XRRA1: variants seen among roughly 807,000 people sequenced by gnomAD.
XRRA1 encodes the protein X-ray radiation resistance associated 1.
A neutral mutation model predicts 80.2 loss-of-function variants in XRRA1; 69 were observed. The observed-to-expected ratio is 0.86, with a 90% CI of 0.71 to 1.05. The LOEUF (loss-of-function observed/expected upper bound fraction) is 1.05. Ranked by LOEUF, XRRA1 falls within the 50% of genes least tolerant of loss-of-function variation. XRRA1 has a pLI of 0.00. For missense variants in XRRA1, 967 were observed against 976.4 expected (o/e 0.99, Z 0.13); for synonymous variants, 348 against 389.9 (o/e 0.89, Z 1.27).
chr11:74,844,133 G>A (rs1368429395), intron 17 of XRRA1, 35 bp downstream of exon 17: 5 of 1,588,912 alleles, frequency 3.1e-6, no homozygotes, highest in East Asian at 2.2e-5. Context: ...CGGTACTCAG[G>A]GGCCATTTAC....
chr11:74,851,251 C>A, intron 13 of XRRA1, 48 bp from the exon 14 acceptor site: 1 of 1,401,638 alleles, frequency 7.1e-7, no homozygotes, highest in Non-Finnish European at 9.9e-7. Context: ...AAAATTTATA[C>A]TGGGGCTTAC....
At chr11:74,872,577 G>T (rs1472236440) in intron 10 of XRRA1, among the ~76,000 whole-genome samples, 1 of 152,086 alleles carries the variant, frequency 6.6e-6, no homozygotes, top group Non-Finnish European at 1.5e-5. Context: ...ACTTTAAGAA[G>T]GAGTGCCCAG....
At chr11:74,851,876 C>T in intron 13 of XRRA1, 113 bp downstream of exon 13, 1 of 883,868 alleles carries the variant, frequency 1.1e-6, no homozygotes, top group Non-Finnish European at 1.8e-6. Context: ...TGAACCTTGT[C>T]CACCCCGACA....
chr11:74,854,490 T>C (rs964643407), intron 12 of XRRA1, among the ~76,000 whole-genome samples: 9 of 152,224 alleles, frequency 5.9e-5, no homozygotes, highest in Admixed American at 4.6e-4. Flanking sequence ...AAATCAGCCA[T>C]AGACAATTCA....
chr11:74,888,578 G>A (rs1176351836), intron 10 of XRRA1, among the ~76,000 whole-genome samples: 2 of 152,222 alleles, frequency 1.3e-5, no homozygotes, highest in Non-Finnish European at 2.9e-5. Context: ...GAATGACTTT[G>A]ACGAGTTGAG....
intron 2 of XRRA1, among the ~76,000 whole-genome samples, chr11:74,942,941 C>T (rs2139990641): frequency 6.6e-6 from 1 of 152,308 alleles, no homozygotes; most frequent in South Asian, 2.1e-4. Context: ...CCCGCAGAGC[C>T]ATCCCTGAGA....
intron 12 of XRRA1, among the ~76,000 whole-genome samples, chr11:74,855,963 T>A (rs922581907): frequency 3.3e-5 from 5 of 151,708 alleles, no homozygotes; most frequent in Admixed American, 3.3e-4. Flanking sequence ...TGAAACCCTG[T>A]CTCTGATAAA....
intron 10 of XRRA1, among the ~76,000 whole-genome samples, chr11:74,880,091 G>C (rs931820453): frequency 6.6e-6 from 1 of 152,044 alleles, no homozygotes; most frequent in Admixed American, 6.5e-5. Context: ...AATCCATCTG[G>C]TCCTGGACTC....
chr11:74,873,468 ACT>A (rs908652809), intron 10 of XRRA1, among the ~76,000 whole-genome samples: 4 of 152,174 alleles, frequency 2.6e-5, no homozygotes, highest in African/African-American at 9.6e-5. Context: ...TTACATCCTG[ACT>A]CTCAATACCT....
At chr11:74,893,388 C>T (rs1009813979) in intron 10 of XRRA1, among the ~76,000 whole-genome samples, 1 of 140,428 alleles carries the variant, frequency 7.1e-6, no homozygotes, top group African/African-American at 2.7e-5. Flanking sequence ...GGGAACATCA[C>T]ACACTGGGGC....
intron 8 of XRRA1, among the ~76,000 whole-genome samples, chr11:74,908,589 A>C (rs571837946): frequency 2.4e-4 from 37 of 152,290 alleles, no homozygotes; most frequent in African/African-American, 8.9e-4. Context: ...GTTCATTCAC[A>C]CTCATGAATT....
intron 11 of XRRA1, among the ~76,000 whole-genome samples, chr11:74,861,406 C>G (rs2042272050): frequency 6.6e-6 from 1 of 152,166 alleles, no homozygotes; most frequent in African/African-American, 2.4e-5. Flanking sequence ...CTCATAGGAG[C>G]ACAAACCCTG....
intron 5 of XRRA1, among the ~76,000 whole-genome samples, chr11:74,931,591 C>T (rs939186740): frequency 6.6e-6 from 1 of 152,220 alleles, no homozygotes; most frequent in Non-Finnish European, 1.5e-5. Flanking sequence ...TCCCAAAGTG[C>T]TAGGATTACA....
At chr11:74,853,945 T>C (rs1484845908) in intron 12 of XRRA1, among the ~76,000 whole-genome samples, 4 of 151,842 alleles carry the variant, frequency 2.6e-5, no homozygotes, top group Non-Finnish European at 5.9e-5. Flanking sequence ...TTTAGAAATA[T>C]GAGGACCTAA....
intron 10 of XRRA1, among the ~76,000 whole-genome samples, chr11:74,905,953 AAAT>A (rs1190107374): frequency 6.6e-6 from 1 of 152,202 alleles, no homozygotes; most frequent in Non-Finnish European, 1.5e-5. Context: ...TTTAAGGATA[AAAT>A]AATAATAGTA....
chr11:74,943,569 CAG>C (rs141326220), intron 2 of XRRA1, among the ~76,000 whole-genome samples: 275 of 85,528 alleles, frequency 3.2e-3, no homozygotes, highest in Non-Finnish European at 2.7e-3. Context: ...GTGTATGTGT[CAG>C]AGAGAGAGAG....
intron 14 of XRRA1, chr11:74,850,857 A>C: frequency 3.6e-6 from 1 of 273,998 alleles, no homozygotes; most frequent in South Asian, 5.3e-5. Context: ...CAATTACTGT[A>C]GGTGACTATA....
chr11:74,927,768 G>A (rs1942622061), intron 6 of XRRA1, among the ~76,000 whole-genome samples: 1 of 152,148 alleles, frequency 6.6e-6, no homozygotes, highest in Non-Finnish European at 1.5e-5. Flanking sequence ...CAACAGCAAA[G>A]CCCATTTTAA....
chr11:74,881,013 TC>T (rs1254486181), intron 10 of XRRA1, among the ~76,000 whole-genome samples: 3 of 145,874 alleles, frequency 2.1e-5, no homozygotes, highest in Admixed American at 6.9e-5. Context: ...TTCCTGGGTA[TC>T]CTTGTTGACT....
Sources: allele counts gnomAD v4.1 joint callset (sites outside exome capture counted in the v4.1 genomes callset), GRCh38; gene constraint gnomAD v4.1.1; transcripts MANE v1.5; gene names NCBI Gene and HGNC (gene_info 2026-07-23, HGNC 2026-07-21).